ATP1B1: variants seen among roughly 807,000 people sequenced by gnomAD.
The protein encoded by ATP1B1 is sodium/potassium-transporting ATPase subunit beta-1.
In ATP1B1, 3 loss-of-function variants were observed where a neutral mutation model predicts 39.6. The ratio of observed to expected loss-of-function variants is 0.08; its 90% CI spans 0.03 to 0.20. The LOEUF (loss-of-function observed/expected upper bound fraction) is 0.20, where lower values mean the gene tolerates loss of function less well. Among genes scored for constraint, ATP1B1 ranks in the 10% least tolerant of loss-of-function variants. The probability of loss-of-function intolerance (pLI) is 1.00; values close to 1 mark genes in which losing one functional copy is unlikely to be tolerated. For missense variants in ATP1B1, 216 were observed against 371.1 expected, an observed-to-expected ratio of 0.58 and a Z score of 3.43; for synonymous variants, 139 against 135.0, an observed-to-expected ratio of 1.03 and a Z score of -0.20.
At position 169,132,255 on chromosome 1, in the gene ATP1B1, CT is replaced by C. The variant is rs1462424097; in HGVS notation, c.*702del. ...GTGTTATGCTTGTATTGAATGCTGT[CT>C]TGACATCTCTTGCCTTGTCCTCCGG... On this transcript the variant is annotated 3_prime_UTR_variant, in exon 6 of 6. Transcript: ENST00000367815. 1 of 606,478 alleles carries C rather than the reference CT, an allele frequency of 1.6e-6. No individual in the cohort carries two copies. The highest frequency in any genetic ancestry group is 3.0e-5 in the East Asian group (1 of 33,788). The allele number at this position is 606,478 out of a possible 1,614,324, so 37.6% of individuals were successfully genotyped here. A position where few individuals can be genotyped will look rare whatever the true frequency, so the allele number is the denominator to read the frequency against.
At chr1:169,127,178 T>G in intron 3 of ATP1B1, 46 bp from the exon 4 acceptor site, 1 of 1,528,906 alleles carries the variant, frequency 6.5e-7, no homozygotes, top group East Asian at 2.4e-5. Flanking sequence ...TTAGAACTGC[T>G]AAGGGAATTG....
intron 5 of ATP1B1, among the ~76,000 whole-genome samples, chr1:169,130,568 A>G (rs1658189649): frequency 6.6e-6 from 1 of 151,926 alleles, no homozygotes; most frequent in Non-Finnish European, 1.5e-5. Context: ...ATGGGCAGAT[A>G]ATGAGGTCAA....
At position 169,131,185 on chromosome 1, in the gene ATP1B1, C is replaced by A; in HGVS notation, c.649-107C>A. 7.3e-7 allele frequency: 1 copy of A among 1,364,586 alleles called. No individual in the cohort carries two copies. Among genetic ancestry groups the A allele is most frequent in the Non-Finnish European group, 1.0e-6 (1 of 990,060 alleles). 84.5% of individuals were successfully genotyped at this position (1,364,586 alleles called of 1,614,324 possible). A position where few individuals can be genotyped will look rare whatever the true frequency, so the allele number is the denominator to read the frequency against. On this transcript the variant is annotated intron_variant, in intron 5 of 5. Transcript: ENST00000367815. The surrounding 1 kb of genome is among the most constrained non-coding windows in gnomAD (Gnocchi z 4.4). The stretch of plus-strand genomic sequence containing the variant: ...GAATAGACTGAGTAGATGTTCTTTC[C>A]TCTCTCAGTAGTTTGCAAACTACTG...
chr1:169,117,301 A>C (rs1391974436), intron 2 of ATP1B1, among the ~76,000 whole-genome samples: 1 of 152,218 alleles, frequency 6.6e-6, no homozygotes, highest in Non-Finnish European at 1.5e-5. Context: ...GCTACTGCAC[A>C]GCCTTATGAC....
rs1187401853 is a variant in ATP1B1, at chr1:169,131,508, G to T, written c.865G>T (p.Asp289Tyr). ...TGAGAACATTGGGTACAGTGAGAAA[G>T]ACCGTTTTCAGGGACGTTTTGATGT... ...YGENIGYSEK[D>Y]RFQGRFDVKI... The change falls in exon 6 of 6, where the codon GAC (aspartate) becomes TAC (tyrosine). Residue 289 changes from aspartate (D) to tyrosine (Y), a missense_variant. By Grantham distance (160) the Asp-to-Tyr change is radical. Coordinates refer to ENST00000367815, the MANE Select transcript of ATP1B1 (RefSeq NM_001677.4). The surrounding 1 kb of genome is among the most constrained non-coding windows in gnomAD (Gnocchi z 4.4). The T allele has an allele frequency of 6.2e-7, 1 of 1,614,090 alleles. No individual in the cohort carries two copies.
At chr1:169,126,616 T>C (rs1200155) in intron 3 of ATP1B1, among the ~76,000 whole-genome samples, 3,130 of 152,152 alleles carry the variant, frequency 0.021, 113 homozygotes, top group African/African-American at 0.071. Flanking sequence ...GATGCTGAGG[T>C]GGGAGGATCT....
At chr1:169,110,988 ATT>A (rs2101774194) in intron 1 of ATP1B1, among the ~76,000 whole-genome samples, 1 of 152,348 alleles carries the variant, frequency 6.6e-6, no homozygotes, top group East Asian at 1.9e-4. Context: ...ATACTGTCAT[ATT>A]TTAAATTCAT....
chr1:169,115,046 G>A (rs562538379), intron 2 of ATP1B1, among the ~76,000 whole-genome samples: 10 of 151,868 alleles, frequency 6.6e-5, no homozygotes, highest in South Asian at 2.1e-4. Context: ...TTAGCCTGTC[G>A]TAGTGGCGGG....
At position 169,125,090 on chromosome 1, in the gene ATP1B1, T is replaced by A. The variant is rs765670633; in HGVS notation, c.382+51T>A. 5.9e-6 allele frequency: 9 copies of A among 1,525,972 alleles called. No individual in the cohort carries two copies. In the South Asian group the frequency reaches 1.2e-4, roughly 20 times the overall value. The allele number at this position is 1,525,972 out of a possible 1,614,324, so 94.5% of individuals were successfully genotyped here. A position where few individuals can be genotyped will look rare whatever the true frequency, so the allele number is the denominator to read the frequency against. On this transcript the variant is annotated intron_variant, in intron 3 of 5. Coordinates refer to ENST00000367815, the MANE Select transcript of ATP1B1 (RefSeq NM_001677.4). ...GTGGCTAGTTTTCTTTCTCTTTAACTCTTATTTCCCACTTCTATTTTTTGT... is the reference window on the plus strand; with the variant it reads ...GTGGCTAGTTTTCTTTCTCTTTAACACTTATTTCCCACTTCTATTTTTTGT...
chr1:169,130,749 C>T (rs1242370150), intron 5 of ATP1B1, among the ~76,000 whole-genome samples: 1 of 130,274 alleles, frequency 7.7e-6, no homozygotes, highest in African/African-American at 2.9e-5. Flanking sequence ...CGCCATTGCA[C>T]TCCAGCCTGG....
intron 1 of ATP1B1, 81 bp from the exon 2 acceptor site, chr1:169,111,289 C>T (rs902250909): frequency 2.9e-5 from 46 of 1,563,420 alleles, no homozygotes; most frequent in Non-Finnish European, 3.9e-5. Context: ...AGGAAGGAAG[C>T]TTGTTCATCC....
At chr1:169,118,434 T>C (rs1274011308) in intron 2 of ATP1B1, among the ~76,000 whole-genome samples, 2 of 152,168 alleles carry the variant, frequency 1.3e-5, no homozygotes, top group Non-Finnish European at 2.9e-5. Flanking sequence ...TCTCAGAGCC[T>C]GAGTCTGGGA....
intron 2 of ATP1B1, among the ~76,000 whole-genome samples, chr1:169,115,363 T>C (rs1657821025): frequency 6.6e-6 from 1 of 151,136 alleles, no homozygotes; most frequent in Admixed American, 6.6e-5. Flanking sequence ...TTTTTTTTTT[T>C]TTCAAGAGGG....
At chr1:169,110,729 T>C in intron 1 of ATP1B1, 10 of 1,251,764 alleles carry the variant, frequency 8.0e-6, no homozygotes, top group Non-Finnish European at 1.0e-5. Context: ...ACTATAGAAT[T>C]TTCTTTTTTT....
chr1:169,109,775 G>A (rs1379119337), intron 1 of ATP1B1, among the ~76,000 whole-genome samples: 1 of 151,910 alleles, frequency 6.6e-6, no homozygotes, highest in East Asian at 1.9e-4. Context: ...GATGAGGTGG[G>A]GGTGGGGGGC....
At chr1:169,110,875 A>G (rs960809858) in intron 1 of ATP1B1, among the ~76,000 whole-genome samples, 6 of 152,158 alleles carry the variant, frequency 3.9e-5, no homozygotes, top group Non-Finnish European at 8.8e-5. Flanking sequence ...TAGCAAAATA[A>G]CCCTCAGGCA....
intron 2 of ATP1B1, among the ~76,000 whole-genome samples, chr1:169,122,004 C>T (rs1277615681): frequency 6.6e-6 from 1 of 152,162 alleles, no homozygotes; most frequent in Non-Finnish European, 1.5e-5. Flanking sequence ...CATCCACCAC[C>T]CTCCTGCCTT....
chr1:169,124,936 T>C lies in ATP1B1; in HGVS notation c.279T>C (p.Asn93=). The change falls in exon 3 of 6, where the codon AAT becomes AAC. Residue 93 remains asparagine (N), a synonymous_variant. Transcript: ENST00000367815. ...AGACTGAAATTTCCTTTCGTCCTAA[T>C]GATCCCAAGAGCTATGAGGCATATG... The part of the protein sequence containing the change: ...IQKTEISFRP[N]DPKSYEAYVL... 6.2e-7 allele frequency: 1 copy of C among 1,614,098 alleles called. No individual in the cohort carries two copies. Among genetic ancestry groups the C allele is most frequent in the Non-Finnish European group, 8.5e-7 (1 of 1,179,974 alleles).
At chr1:169,118,211 C>CG (rs1455475931) in intron 2 of ATP1B1, among the ~76,000 whole-genome samples, 2 of 152,164 alleles carry the variant, frequency 1.3e-5, no homozygotes, top group African/African-American at 4.8e-5. Context: ...AAGAAGAGGA[C>CG]GGATCAGAGA....
Sources: gnomAD v4.1 joint callset for allele counts (sites outside exome capture counted in the v4.1 genomes callset) on GRCh38, gnomAD v4.1.1 for gene constraint, Gnocchi (gnomAD v3.1) non-coding constraint, MANE v1.5 for transcripts, NCBI Gene and HGNC (gene_info 2026-07-23, HGNC 2026-07-21) for gene names.